Variants in ETV6 observed in about 807,000 individuals in gnomAD.
The protein encoded by ETV6 is transcription factor ETV6.
ETV6 carries 16 observed loss-of-function variants against 51.1 expected under a neutral mutation model. The ratio of observed to expected loss-of-function variants is 0.31; its 90% confidence interval spans 0.21 to 0.48. The LOEUF is 0.48. ETV6 is among the 20% of genes least tolerant of loss of function. The probability of loss-of-function intolerance (pLI) is 0.99; values close to 1 mark genes in which losing one functional copy is unlikely to be tolerated. For synonymous variants in ETV6, 240 were observed against 224.1 expected, an observed-to-expected ratio of 1.07 and a Z score of -0.64; for missense variants, 458 against 594.8, an observed-to-expected ratio of 0.77 and a Z score of 2.39.
intron 2 of ETV6, among the ~76,000 whole-genome samples, chr12:11,824,358 G>A (rs1028004218): frequency 6.6e-6 from 1 of 152,236 alleles, no homozygotes; most frequent in Non-Finnish European, 1.5e-5. Flanking sequence ...GAGGGCAAGT[G>A]GCGTCGAGGA....
intron 4 of ETV6, among the ~76,000 whole-genome samples, 194 bp downstream of exon 4, chr12:11,853,755 T>C (rs565077929): frequency 1.3e-5 from 2 of 152,346 alleles, no homozygotes; most frequent in Non-Finnish European, 2.9e-5. Flanking sequence ...GTGAGATGGA[T>C]GTACACAGAA....
chr12:11,879,967 C>T (rs187581632), intron 5 of ETV6, among the ~76,000 whole-genome samples: 1 of 146,058 alleles, frequency 6.8e-6, no homozygotes, highest in East Asian at 2.0e-4. Context: ...TAAAGAGGAT[C>T]TGCCTTTTAT....
At chr12:11,764,725 G>A (rs931095975) in intron 2 of ETV6, among the ~76,000 whole-genome samples, 9 of 152,178 alleles carry the variant, frequency 5.9e-5, no homozygotes, top group Non-Finnish European at 7.3e-5. Flanking sequence ...GTGTGTGACA[G>A]GGAGGAGGTG....
chr12:11,788,773 TC>T (rs1262642800), intron 2 of ETV6, among the ~76,000 whole-genome samples: 30 of 147,634 alleles, frequency 2.0e-4, no homozygotes, highest in African/African-American at 1.5e-4. Context: ...TTTTTTTTTT[TC>T]ATTTCTAAAT....
intron 1 of ETV6, among the ~76,000 whole-genome samples, chr12:11,685,514 T>C (rs1258308485): frequency 6.6e-6 from 1 of 152,116 alleles, no homozygotes; most frequent in East Asian, 1.9e-4. Context: ...GTGACAACTT[T>C]TTTTTCTAAT....
intron 2 of ETV6, among the ~76,000 whole-genome samples, chr12:11,819,239 C>T (rs1202159569): frequency 6.6e-6 from 1 of 152,186 alleles, no homozygotes; most frequent in Non-Finnish European, 1.5e-5. Flanking sequence ...CCCCTCTGCC[C>T]TGGCTGCAGT....
intron 2 of ETV6, among the ~76,000 whole-genome samples, chr12:11,759,457 G>A (rs79715891): frequency 0.15 from 23,438 of 152,070 alleles, 2,016 homozygotes; most frequent in East Asian, 0.33. Flanking sequence ...GCCCAGAGGT[G>A]CCCAGCTTTA....
intron 2 of ETV6, among the ~76,000 whole-genome samples, chr12:11,777,485 T>C (rs998349277): frequency 5.9e-5 from 9 of 152,050 alleles, no homozygotes. Flanking sequence ...TGCCCAGGAT[T>C]ATTTCTGTCC....
intron 1 of ETV6, among the ~76,000 whole-genome samples, chr12:11,725,567 G>T (rs1416781219): frequency 1.3e-5 from 2 of 152,196 alleles, no homozygotes; most frequent in African/African-American, 4.8e-5. Context: ...TATTACTTCA[G>T]ATGTTGCTGC....
chr12:11,656,011 TTTC>T (rs1156440441), intron 1 of ETV6, among the ~76,000 whole-genome samples: 7 of 152,332 alleles, frequency 4.6e-5, no homozygotes, highest in African/African-American at 1.4e-4. Context: ...TACAAAACAC[TTTC>T]TTCTTCTCCT....
chr12:11,708,789 C>G (rs893744366), intron 1 of ETV6, among the ~76,000 whole-genome samples: 1 of 152,218 alleles, frequency 6.6e-6, no homozygotes, highest in African/African-American at 2.4e-5. Context: ...CCTACCCCGA[C>G]TCATCTTGCT....
At chr12:11,657,147 A>T (rs913009357) in intron 1 of ETV6, among the ~76,000 whole-genome samples, 1 of 151,772 alleles carries the variant, frequency 6.6e-6, no homozygotes, top group Non-Finnish European at 1.5e-5. Context: ...AAAGAGAGAG[A>T]TGTGTTGTGG....
chr12:11,676,456 CTT>C (rs1346684327), intron 1 of ETV6, among the ~76,000 whole-genome samples: 2 of 152,206 alleles, frequency 1.3e-5, no homozygotes, highest in African/African-American at 4.8e-5. Flanking sequence ...GTCCCTTGCT[CTT>C]TGTCTTGGAC....
chr12:11,700,087 G>C (rs1202456586), intron 1 of ETV6, among the ~76,000 whole-genome samples: 2 of 152,136 alleles, frequency 1.3e-5, no homozygotes, highest in African/African-American at 4.8e-5. Flanking sequence ...TCCCCTTTCA[G>C]TGCCTTGCAT....
intron 1 of ETV6, among the ~76,000 whole-genome samples, chr12:11,746,982 A>G (rs1253495940): frequency 2.0e-5 from 3 of 152,104 alleles, no homozygotes; most frequent in Non-Finnish European, 4.4e-5. Flanking sequence ...AGGAATCCGA[A>G]TATCTCACGT....
At chr12:11,650,489 AAAAAAAC>A (rs1271598351) in intron 1 of ETV6, among the ~76,000 whole-genome samples, 1 of 67,390 alleles carries the variant, frequency 1.5e-5, no homozygotes, top group African/African-American at 4.4e-5. Flanking sequence ...CTTAAAAAAA[AAAAAAAC>A]AAAAAACAAA....
Position 11,654,779 on chromosome 12 carries a change from C to T in ETV6, c.33+4619C>T, listed in dbSNP as rs143747130. On this transcript the variant is annotated intron_variant, in intron 1 of 7. Coordinates refer to ENST00000396373, the MANE Select transcript of ETV6 (RefSeq NM_001987.5). ...TGCAAGTTCTGTTTTGGGCTGAAGG[C>T]CCCCTATCTGCTGTTAGGACTCCTT... Among the ~76,000 whole-genome samples the T allele has an allele frequency of 9.0e-4, 137 of 152,274 alleles. No individual in the cohort carries two copies. The East Asian group carries it at 0.018, about 20-fold the overall frequency.
chr12:11,796,136 C>T (rs549522407), intron 2 of ETV6, among the ~76,000 whole-genome samples: 58 of 152,264 alleles, frequency 3.8e-4, no homozygotes, highest in Admixed American at 8.5e-4. Context: ...AAAATACAGA[C>T]ACCTCAGCCT....
chr12:11,883,776 A>G (rs1288521116), intron 5 of ETV6, among the ~76,000 whole-genome samples: 2 of 152,192 alleles, frequency 1.3e-5, no homozygotes, highest in African/African-American at 2.4e-5. Context: ...ATGATCCACT[A>G]TATCAAAACA....
Sources: gnomAD v4.1 joint callset for allele counts (sites outside exome capture counted in the v4.1 genomes callset) on GRCh38, gnomAD v4.1.1 for gene constraint, MANE v1.5 for transcripts, NCBI Gene and HGNC (gene_info 2026-07-23, HGNC 2026-07-21) for gene names.